ROS1: variants seen among roughly 807,000 people sequenced by gnomAD.
ROS1 encodes the protein proto-oncogene tyrosine-protein kinase ROS.
A neutral mutation model predicts 273.5 loss-of-function variants in ROS1; 263 were observed. That is an observed-to-expected ratio of 0.96 (90% CI 0.87 to 1.06). The LOEUF (loss-of-function observed/expected upper bound fraction) is 1.06, where lower values mean the gene tolerates loss of function less well. ROS1 is among the 50% of genes least tolerant of loss of function. The probability of loss-of-function intolerance (pLI) is 0.00; values close to 1 mark genes in which losing one functional copy is unlikely to be tolerated. For synonymous variants in ROS1, 1,008 were observed against 954.1 expected (o/e 1.06, Z -1.04); for missense variants, 2,833 against 2,751.1 (o/e 1.03, Z -0.67).
chr6:117,320,455 A>G (rs1776215027), intron 36 of ROS1, among the ~76,000 whole-genome samples: 1 of 152,156 alleles, frequency 6.6e-6, no homozygotes, highest in Non-Finnish European at 1.5e-5. Context: ...CTTACGTAAA[A>G]CAAAATTTAC....
Position 117,329,456 on chromosome 6 carries a change from A to G in ROS1, c.5231-10T>C. On this transcript the variant is annotated splice_polypyrimidine_tract_variant and intron_variant, in intron 32 of 43. Coordinates refer to ENST00000368507, the MANE Select transcript of ROS1 (RefSeq NM_001378902.1). ...TTATTTGGGACTCCAGCTTTAGGGA[A>G]AAAAAGAAAATATTGGTTGATATGT... 5 of 1,266,708 alleles carry G rather than the reference A, an allele frequency of 3.9e-6. No homozygotes were observed. Among genetic ancestry groups the G allele is most frequent in the Non-Finnish European group, 5.8e-6 (5 of 869,172 alleles). 78.5% of individuals were successfully genotyped at this position (1,266,708 alleles called of 1,614,324 possible).
chr6:117,363,748 T>C (rs1206554009), intron 21 of ROS1, among the ~76,000 whole-genome samples: 1 of 152,190 alleles, frequency 6.6e-6, no homozygotes, highest in African/African-American at 2.4e-5. Flanking sequence ...GAAGGTTTCA[T>C]AGGCTTGTCT....
Position 117,416,318 on chromosome 6 carries a change from C to G in ROS1, c.169-1G>C, listed in dbSNP as rs1406550182. Reference sequence around the variant, plus strand: ...TCCAAAAGTGACATCCTTGGATACACTGCAAGAGACAATAACAGACAATGG... The same window carrying G: ...TCCAAAAGTGACATCCTTGGATACAGTGCAAGAGACAATAACAGACAATGG... On this transcript the variant is annotated splice_acceptor_variant, in intron 2 of 43. Coordinates refer to ENST00000368507, the MANE Select transcript of ROS1 (RefSeq NM_001378902.1). LOFTEE classifies it high-confidence loss of function. 1 of 1,594,976 alleles carries G rather than the reference C, an allele frequency of 6.3e-7. No individual in the cohort carries two copies. Among genetic ancestry groups the G allele is most frequent in the East Asian group, 2.2e-5 (1 of 44,794 alleles).
chr6:117,321,499 T>A (rs2128564101), intron 35 of ROS1, 105 bp from the exon 36 acceptor site: 1 of 900,596 alleles, frequency 1.1e-6, no homozygotes, highest in East Asian at 2.5e-5. Context: ...AAGAACACTA[T>A]CAGTAGAATA....
intron 18 of ROS1, among the ~76,000 whole-genome samples, chr6:117,376,206 C>A (rs1781318215): frequency 6.6e-6 from 1 of 151,908 alleles, no homozygotes; most frequent in African/African-American, 2.4e-5. Flanking sequence ...TCACGACAGA[C>A]CCTATAGACA....
chr6:117,411,552 C>T (rs1218873242), intron 4 of ROS1, among the ~76,000 whole-genome samples: 1 of 152,084 alleles, frequency 6.6e-6, no homozygotes, highest in African/African-American at 2.4e-5. Flanking sequence ...TCCGTTCCCC[C>T]ACATTCCCAT....
At chr6:117,401,556 A>G (rs1219299922) in intron 7 of ROS1, among the ~76,000 whole-genome samples, 1 of 152,214 alleles carries the variant, frequency 6.6e-6, no homozygotes, top group East Asian at 1.9e-4. Flanking sequence ...ATTCAGACTA[A>G]GAAGAAGGAT....
chr6:117,383,233 T>C (rs1582803460), intron 17 of ROS1, 84 bp downstream of exon 17: 1 of 1,047,002 alleles, frequency 9.6e-7, no homozygotes, highest in East Asian at 2.4e-5. Context: ...CTGCTTTAAG[T>C]ACTCACAATA....
chr6:117,328,187 C>T (rs1460468071), intron 33 of ROS1, among the ~76,000 whole-genome samples: 1 of 152,160 alleles, frequency 6.6e-6, no homozygotes, highest in Non-Finnish European at 1.5e-5. Flanking sequence ...CTAGAGTGTC[C>T]TGACTGAAGG....
intron 4 of ROS1, among the ~76,000 whole-genome samples, chr6:117,413,044 C>G (rs557724618): frequency 6.6e-6 from 1 of 152,230 alleles, no homozygotes; most frequent in Non-Finnish European, 1.5e-5. Flanking sequence ...TTAGCCAACC[C>G]TCACCTCCAC....
Position 117,288,518 on chromosome 6 carries a change from TGTGA to T in ROS1, c.6996_6999del (p.His2333ValfsTer18). ...TAATCAGACCCATCTCCATATCCACTGTGAGTGAGACAGGCATAGTTCAGGCCTT... is the reference window on the plus strand; with the variant it reads ...TAATCAGACCCATCTCCATATCCACTGTGAGACAGGCATAGTTCAGGCCTT... On this transcript the variant is annotated frameshift_variant, in exon 44 of 44. Coordinates refer to ENST00000368507, the MANE Select transcript of ROS1 (RefSeq NM_001378902.1). LOFTEE classifies it high-confidence loss of function. 1 of 1,613,794 alleles carries T rather than the reference TGTGA, an allele frequency of 6.2e-7. No individual in the cohort carries two copies.
chr6:117,422,037 TAGAAAC>T (rs1305097074), intron 1 of ROS1, among the ~76,000 whole-genome samples: 1 of 152,168 alleles, frequency 6.6e-6, no homozygotes, highest in Non-Finnish European at 1.5e-5. Context: ...TTTTGTTTCT[TAGAAAC>T]AGAGTCACCC....
intron 5 of ROS1, among the ~76,000 whole-genome samples, chr6:117,407,036 T>C (rs1385913165): frequency 6.7e-6 from 1 of 150,122 alleles, no homozygotes; most frequent in Non-Finnish European, 1.5e-5. Context: ...CCATAAAATA[T>C]ACATTTTATC....
chr6:117,344,312 G>C (rs866103153), intron 27 of ROS1, 50 bp from the exon 28 acceptor site: 2 of 1,255,390 alleles, frequency 1.6e-6, no homozygotes, highest in Non-Finnish European at 2.2e-6. Context: ...ATATATATGA[G>C]AGGAAAAGCA....
chr6:117,337,255 T>A lies in ROS1; in HGVS notation c.5147A>T (p.Tyr1716Phe). The change falls in exon 32 of 44, where the codon TAT (tyrosine) becomes TTT (phenylalanine). Residue 1716 changes from tyrosine (Y) to phenylalanine (F), a missense_variant. Transcript: ENST00000368507. ...CACTACTCTGACATTATATGAAGTA[T>A]AAGGTTGTAGATTTGTGATATTACA... ...YVCNITNLQP[Y>F]TSYNVRVVVV... 2.5e-6 allele frequency: 4 copies of A among 1,612,692 alleles called. No homozygotes were observed. The highest frequency in any genetic ancestry group is 3.4e-6 in the Non-Finnish European group (4 of 1,179,100).
chr6:117,375,185 AC>A (rs1781211327), intron 18 of ROS1, among the ~76,000 whole-genome samples: 1 of 152,258 alleles, frequency 6.6e-6, no homozygotes. Flanking sequence ...AAGTGAAGTA[AC>A]CAGGAATGGA....
chr6:117,287,502 T>A lies in ROS1; in HGVS notation c.*990A>T, dbSNP rs1418867519. On this transcript the variant is annotated 3_prime_UTR_variant, in exon 44 of 44. Coordinates refer to ENST00000368507, the MANE Select transcript of ROS1 (RefSeq NM_001378902.1). ...TAGCACACAAGTCAGAGTGATTTTA[T>A]ACAACTGAAGATTACAGAATGCAAA... Among the ~76,000 whole-genome samples, 1 of 152,242 alleles carries A rather than the reference T, an allele frequency of 6.6e-6. No individual in the cohort carries two copies. The highest frequency in any genetic ancestry group is 2.4e-5 in the African/African-American group (1 of 41,464).
At chr6:117,371,919 C>T (rs1331774120) in intron 18 of ROS1, among the ~76,000 whole-genome samples, 5 of 152,172 alleles carry the variant, frequency 3.3e-5, no homozygotes, top group Admixed American at 6.5e-5. Context: ...CAGCAAGCTC[C>T]GCCCAAGGAG....
At chr6:117,301,450 T>C (rs1774717992) in intron 42 of ROS1, 1 of 204,662 alleles carries the variant, frequency 4.9e-6, no homozygotes, top group East Asian at 1.5e-4. Context: ...GAAGGTCTCC[T>C]GTGAGGGTGA....
Sources: gnomAD v4.1 joint callset for allele counts (sites outside exome capture counted in the v4.1 genomes callset) on GRCh38, gnomAD v4.1.1 for gene constraint, MANE v1.5 for transcripts, NCBI Gene and HGNC (gene_info 2026-07-23, HGNC 2026-07-21) for gene names.